ADARB1: variants seen among roughly 807,000 people sequenced by gnomAD.
ADARB1 encodes adenosine deaminase RNA specific B1, also known as double-stranded RNA-specific editase 1.
ADARB1 carries 10 observed loss-of-function variants against 52.4 expected under a neutral mutation model. The observed-to-expected ratio is 0.19, with a 90% CI of 0.12 to 0.32. The LOEUF (loss-of-function observed/expected upper bound fraction) is 0.32, where lower values mean the gene tolerates loss of function less well. ADARB1 is among the 10% of genes least tolerant of loss of function. The pLI is 1.00. For synonymous variants in ADARB1, 349 were observed against 371.1 expected, an observed-to-expected ratio of 0.94 and a Z score of 0.68; for missense variants, 643 against 922.3, an observed-to-expected ratio of 0.70 and a Z score of 3.92.
intron 1 of ADARB1, among the ~76,000 whole-genome samples, chr21:45,101,919 A>T (rs990602212): frequency 1.3e-5 from 2 of 152,062 alleles, no homozygotes; most frequent in African/African-American, 4.8e-5. Flanking sequence ...ACAGGGTCTC[A>T]CTCTGTTACT....
chr21:45,152,682 G>A (rs950193533), intron 2 of ADARB1: 8 of 447,380 alleles, frequency 1.8e-5, no homozygotes, highest in Middle Eastern at 3.3e-4. Context: ...TATAAAAGGA[G>A]GCGCAAGAAG....
intron 4 of ADARB1, among the ~76,000 whole-genome samples, chr21:45,178,215 C>T (rs2091779308): frequency 6.6e-6 from 1 of 152,256 alleles, no homozygotes; most frequent in Non-Finnish European, 1.5e-5. Context: ...GTCACCCCTG[C>T]CTCCCTGGCT....
chr21:45,214,556 A>T (rs2092827292), intron 9 of ADARB1, among the ~76,000 whole-genome samples: 1 of 152,180 alleles, frequency 6.6e-6, no homozygotes. Flanking sequence ...ATGTTTGTGT[A>T]GGGTATGAAG....
rs963662416 is a variant in ADARB1, at chr21:45,222,480, C to T, written c.*283C>T. 55 of 1,198,410 alleles carry T rather than the reference C, an allele frequency of 4.6e-5. No homozygotes were observed. The African/African-American group carries it at 7.1e-4, about 15-fold the overall frequency. 74.2% of individuals were successfully genotyped at this position (1,198,410 alleles called of 1,614,324 possible). On this transcript the variant is annotated 3_prime_UTR_variant, in exon 11 of 11. Coordinates refer to ENST00000348831, the MANE Select transcript of ADARB1 (RefSeq NM_001112.4). ...ACCGTCCAGTGACTGCTTTCAATCT[C>T]GGTTTACGTTTAGAAATTGAGTTCT... is the stretch of plus-strand genomic sequence containing the variant.
At chr21:45,218,206 C>A (rs1248538509) in intron 9 of ADARB1, among the ~76,000 whole-genome samples, 2 of 152,174 alleles carry the variant, frequency 1.3e-5, no homozygotes, top group South Asian at 4.1e-4. Context: ...CCTACCTAAA[C>A]CTGCCCCATA....
At chr21:45,138,524 G>A (rs1052613481) in intron 2 of ADARB1, among the ~76,000 whole-genome samples, 5 of 152,220 alleles carry the variant, frequency 3.3e-5, no homozygotes, top group South Asian at 4.1e-4. Context: ...GGAGCAGGCC[G>A]TGGAGCTCTT....
At chr21:45,177,938 A>C (rs974849250) in intron 4 of ADARB1, among the ~76,000 whole-genome samples, 1 of 152,206 alleles carries the variant, frequency 6.6e-6, no homozygotes, top group African/African-American at 2.4e-5. Flanking sequence ...AACATTGTTT[A>C]TAAGGATTAT....
chr21:45,079,805 C>T (rs2086083591), intron 1 of ADARB1, among the ~76,000 whole-genome samples: 1 of 152,072 alleles, frequency 6.6e-6, no homozygotes, highest in South Asian at 2.1e-4. Flanking sequence ...AATTCAAGGT[C>T]AGGTTCAAGA....
Position 45,213,349 on chromosome 21 carries a change from A to AT in ADARB1, c.1748-7479dup, listed in dbSNP as rs886507715. Among the ~76,000 whole-genome samples, 16 of 152,048 alleles carry AT rather than the reference A, an allele frequency of 1.1e-4. No individual in the cohort carries two copies. In the South Asian group the frequency reaches 1.5e-3, roughly 14 times the overall value. ...AAATGTTATTTTTTTAATGAGAACA[A>AT]TTTTTTTTATTTTTAAATTATCTTT... On this transcript the variant is annotated intron_variant, in intron 9 of 10. Transcript: ENST00000348831.
At chr21:45,120,317 T>C (rs1263350637) in intron 1 of ADARB1, among the ~76,000 whole-genome samples, 1 of 152,230 alleles carries the variant, frequency 6.6e-6, no homozygotes, top group African/African-American at 2.4e-5. Context: ...GAATATCTGA[T>C]TAAATCCATT....
chr21:45,196,707 A>G (rs1485043839), intron 8 of ADARB1, among the ~76,000 whole-genome samples: 1 of 152,232 alleles, frequency 6.6e-6, no homozygotes, highest in Non-Finnish European at 1.5e-5. Context: ...AGATACACAA[A>G]TGTGAAATAA....
At chr21:45,084,123 C>G (rs2838773) in intron 1 of ADARB1, among the ~76,000 whole-genome samples, 110,168 of 152,184 alleles carry the variant, frequency 0.72, 40,434 homozygotes, top group East Asian at 0.88. Flanking sequence ...TCTCTTCATG[C>G]CTCTGCTGCA....
Position 45,176,472 on chromosome 21 carries a change from G to A in ADARB1, c.771G>A (p.Glu257=). 1 of 1,614,148 alleles carries A rather than the reference G, an allele frequency of 6.2e-7. No homozygotes were observed. Among genetic ancestry groups the A allele is most frequent in the Non-Finnish European group, 8.5e-7 (1 of 1,180,036 alleles). The change falls in exon 4 of 11, where the codon GAG becomes GAA. Residue 257 remains glutamate (E), a synonymous_variant. Transcript: ENST00000348831. The surrounding 1 kb of genome is among the most constrained non-coding windows in gnomAD (Gnocchi z 5.8). ...LKYDFLSESG[E]SHAKSFVMSV... ...ATGACTTCCTCTCCGAGAGCGGGGA[G>A]AGCCATGCCAAGAGCTTCGTCATGT...
At chr21:45,131,005 T>A (rs2088896992) in intron 2 of ADARB1, among the ~76,000 whole-genome samples, 1 of 152,224 alleles carries the variant, frequency 6.6e-6, no homozygotes, top group South Asian at 2.1e-4. Context: ...ACACCACATC[T>A]TCTTTTTGTA....
chr21:45,138,681 T>C (rs1255876237), intron 2 of ADARB1, among the ~76,000 whole-genome samples: 1 of 152,192 alleles, frequency 6.6e-6, no homozygotes, highest in Admixed American at 6.5e-5. Context: ...CCTTTCATTT[T>C]TGTGGCACCC....
At chr21:45,133,835 TGTGTGCGCCCGCCGG>T (rs1234243960) in intron 2 of ADARB1, among the ~76,000 whole-genome samples, 7 of 136,004 alleles carry the variant, frequency 5.1e-5, no homozygotes, top group South Asian at 2.5e-4. Context: ...CCGACAGTGG[TGTGTGCGCCCGCCGG>T]GTGTGCGCCC....
chr21:45,205,725 C>T (rs1386587704), intron 9 of ADARB1, among the ~76,000 whole-genome samples: 1 of 152,206 alleles, frequency 6.6e-6, no homozygotes, highest in Non-Finnish European at 1.5e-5. Flanking sequence ...CTTCTAAGCT[C>T]ACCTTTATTT....
rs188985880 is a variant in ADARB1 at position 45,226,502 on chromosome 21, G to T, written c.*4305G>T. On this transcript the variant is annotated 3_prime_UTR_variant, in exon 11 of 11. Coordinates refer to ENST00000348831, the MANE Select transcript of ADARB1 (RefSeq NM_001112.4). Reference sequence around the variant, plus strand: ...GACCAGCTGGAACTGAGCATGAGACGCTGTCAAATACAGACAAAGGATTTG... The same window carrying T: ...GACCAGCTGGAACTGAGCATGAGACTCTGTCAAATACAGACAAAGGATTTG... 2 of 152,774 alleles carry T rather than the reference G, an allele frequency of 1.3e-5. No individual in the cohort carries two copies. Among genetic ancestry groups the T allele is most frequent in the Admixed American group, 6.5e-5 (1 of 15,306 alleles). 9.5% of individuals were successfully genotyped at this position (152,774 alleles called of 1,614,324 possible).
intron 8 of ADARB1, among the ~76,000 whole-genome samples, chr21:45,197,071 T>A (rs900321219): frequency 6.6e-6 from 1 of 152,020 alleles, no homozygotes; most frequent in African/African-American, 2.4e-5. Context: ...CCGTCTACTC[T>A]GGAGGTTGAG....
Sources: gnomAD v4.1 joint callset for allele counts (sites outside exome capture counted in the v4.1 genomes callset) on GRCh38, gnomAD v4.1.1 for gene constraint, Gnocchi (gnomAD v3.1) non-coding constraint, MANE v1.5 for transcripts, NCBI Gene and HGNC (gene_info 2026-07-23, HGNC 2026-07-21) for gene names.